PGM5: variants seen among roughly 807,000 people sequenced by gnomAD.
PGM5 encodes phosphoglucomutase-like protein 5.
PGM5 carries 23 observed loss-of-function variants against 59.2 expected under a neutral mutation model. The observed-to-expected ratio is 0.39, with a 90% CI of 0.28 to 0.55. The LOEUF (loss-of-function observed/expected upper bound fraction) is 0.55. Ranked by LOEUF, PGM5 falls within the 20% of genes least tolerant of loss-of-function variation. The probability of loss-of-function intolerance (pLI) is 0.66; values close to 1 mark genes in which losing one functional copy is unlikely to be tolerated. For missense variants in PGM5, 574 were observed against 748.3 expected, an observed-to-expected ratio of 0.77 and a Z score of 2.72; for synonymous variants, 214 against 286.0, an observed-to-expected ratio of 0.75 and a Z score of 2.54.
intron 7 of PGM5, among the ~76,000 whole-genome samples, chr9:68,469,691 C>G (rs1475979268): frequency 6.6e-6 from 1 of 152,086 alleles, no homozygotes; most frequent in Non-Finnish European, 1.5e-5. Flanking sequence ...AAGACAGGGC[C>G]CATGTCTATC....
At position 68,386,178 on chromosome 9, in the gene PGM5, T is replaced by C. The variant is rs555537684; in HGVS notation, c.572-1285T>C. Among the ~76,000 whole-genome samples, 58 of 152,018 alleles carry C rather than the reference T, an allele frequency of 3.8e-4. No individual in the cohort carries two copies. The South Asian group carries it at 0.01, about 27-fold the overall frequency. On this transcript the variant is annotated intron_variant, in intron 3 of 10. Coordinates refer to ENST00000396396, the MANE Select transcript of PGM5 (RefSeq NM_021965.4). ...TTGTCAAAAACATTATCCTATAATGTAGAGTGAGTAAAACTTCCAAAGTAC... is the reference window on the plus strand; with the variant it reads ...TTGTCAAAAACATTATCCTATAATGCAGAGTGAGTAAAACTTCCAAAGTAC...
intron 6 of PGM5, among the ~76,000 whole-genome samples, chr9:68,443,594 A>C (rs1341044811): frequency 6.6e-6 from 1 of 152,236 alleles, no homozygotes. Flanking sequence ...AGCAACTACC[A>C]ATGCTAGACC....
At chr9:68,385,651 A>G (rs1163576560) in intron 3 of PGM5, among the ~76,000 whole-genome samples, 8 of 152,002 alleles carry the variant, frequency 5.3e-5, no homozygotes, top group Non-Finnish European at 1.2e-4. Flanking sequence ...CTGGACAATT[A>G]AAGGCAAGGG....
At chr9:68,433,664 G>A (rs1192412643) in intron 6 of PGM5, among the ~76,000 whole-genome samples, 4 of 152,168 alleles carry the variant, frequency 2.6e-5, no homozygotes, top group Admixed American at 6.5e-5. Flanking sequence ...ACTGGGACAG[G>A]GCACATTTGA....
chr9:68,517,239 G>A (rs80172279), intron 10 of PGM5, among the ~76,000 whole-genome samples: 43 of 152,148 alleles, frequency 2.8e-4, no homozygotes, highest in African/African-American at 1.0e-3. Context: ...TTGCATCTCA[G>A]GGCATAGGCA....
At chr9:68,376,752 C>A (rs1164008919) in intron 1 of PGM5, among the ~76,000 whole-genome samples, 8 of 150,020 alleles carry the variant, frequency 5.3e-5, no homozygotes, top group Non-Finnish European at 5.9e-5. Context: ...TTGGGTGGGC[C>A]TTGAGGTTCT....
chr9:68,408,290 AGG>A (rs1554681314), intron 6 of PGM5, among the ~76,000 whole-genome samples: 1 of 152,240 alleles, frequency 6.6e-6, no homozygotes, highest in African/African-American at 2.4e-5. Flanking sequence ...GTGTGGCTGC[AGG>A]TAGGCATGCC....
intron 7 of PGM5, among the ~76,000 whole-genome samples, chr9:68,475,723 A>G (rs1485042603): frequency 6.6e-6 from 1 of 152,222 alleles, no homozygotes; most frequent in Non-Finnish European, 1.5e-5. Context: ...TTGAATAAAC[A>G]TGGTTTTCTG....
intron 1 of PGM5, among the ~76,000 whole-genome samples, chr9:68,372,508 C>T (rs781874926): frequency 6.6e-6 from 1 of 152,024 alleles, no homozygotes; most frequent in Non-Finnish European, 1.5e-5. Context: ...AGTGTTGGCC[C>T]CTGCTGCTGG....
At position 68,378,316 on chromosome 9, in the gene PGM5, G is replaced by A. The variant is rs781909185; in HGVS notation, c.379G>A (p.Gly127Arg). 4 of 1,591,016 alleles carry A rather than the reference G, an allele frequency of 2.5e-6. No homozygotes were observed. Among genetic ancestry groups the A allele is most frequent in the Non-Finnish European group, 3.4e-6 (4 of 1,170,288 alleles). Residue 127 changes from glycine to arginine, a missense_variant, in exon 2 of 11, where the codon GGA becomes AGA. Physicochemically the swap from Gly to Arg is moderately radical, Grantham distance 125 (BLOSUM62 -2). Transcript: ENST00000396396. ...TCTAACAGCCAGCCACTGCCCTGGA[G>A]GACCAGGGGGAGAGTTTGGAGTGAA... ...IILTASHCPG[G>R]PGGEFGVKFN...
In PGM5 at chr9:68,479,433, G is replaced by C; in HGVS notation, c.1175G>C (p.Arg392Pro). 1.9e-6 allele frequency: 3 copies of C among 1,613,040 alleles called. No homozygotes were observed. The highest frequency in any genetic ancestry group is 2.2e-5 in the South Asian group (2 of 91,024). Residue 392 changes from arginine (R) to proline (P), a missense_variant, in exon 8 of 11, where the codon CGA becomes CCA. Physicochemically the swap from Arg to Pro is moderately radical, Grantham distance 103 (BLOSUM62 -2). This residue lies in a region of PGM5 where 300 missense variants were observed against 280.0 expected (regional missense o/e 1.07). Coordinates refer to ENST00000396396, the MANE Select transcript of PGM5 (RefSeq NM_021965.4). ...TCACCTTTAGGCTCTGACCACCTCCGAGAGAAGGATGGCCTGTGGGCTGTC... is the reference window on the plus strand; with the variant it reads ...TCACCTTTAGGCTCTGACCACCTCCCAGAGAAGGATGGCCTGTGGGCTGTC... ...ESFGTGSDHLREKDGLWAVLV... is the reference protein window; with the variant it reads ...ESFGTGSDHLPEKDGLWAVLV...
At chr9:68,410,919 G>A in intron 6 of PGM5, among the ~76,000 whole-genome samples, 1 of 152,212 alleles carries the variant, frequency 6.6e-6, no homozygotes. Flanking sequence ...ATGTCTTCAA[G>A]GAACCAGGTT....
rs146903773 is a variant in PGM5 at position 68,441,236 on chromosome 9, A to G, written c.1044-23857A>G. On this transcript the variant is annotated intron_variant, in intron 6 of 10. Transcript: ENST00000396396. ...AAACATTAAAAAAATTCTAAATAAT[A>G]TCTTCCAGAAAAAGGAAGAAGATGG... 6.4e-3 allele frequency among the ~76,000 whole-genome samples: 980 copies of G among 152,246 alleles called. 10 individuals carry two copies. Among genetic ancestry groups the G allele is most frequent in the African/African-American group, 0.022 (911 of 41,582 alleles).
chr9:68,441,434 G>C (rs1329216566), intron 6 of PGM5, among the ~76,000 whole-genome samples: 1 of 151,938 alleles, frequency 6.6e-6, no homozygotes, highest in South Asian at 2.1e-4. Flanking sequence ...AAAGTCAGTG[G>C]GATTTACTGG....
intron 7 of PGM5, among the ~76,000 whole-genome samples, chr9:68,469,976 C>T (rs1004686111): frequency 1.3e-5 from 2 of 152,068 alleles, no homozygotes. Context: ...AACAAAATCA[C>T]ACAAATACAG....
intron 7 of PGM5, among the ~76,000 whole-genome samples, chr9:68,470,890 A>C (rs1554686182): frequency 2.0e-5 from 3 of 152,246 alleles, no homozygotes; most frequent in African/African-American, 7.2e-5. Context: ...GCCAGAGCAC[A>C]GAGGTGCTAT....
chr9:68,454,558 G>A (rs1331335066), intron 6 of PGM5, among the ~76,000 whole-genome samples: 5 of 152,182 alleles, frequency 3.3e-5, no homozygotes, highest in Admixed American at 2.6e-4. Context: ...CGATGCCCAC[G>A]GAGTGCTCTG....
At chr9:68,400,007 T>C (rs551805584) in intron 6 of PGM5, among the ~76,000 whole-genome samples, 50 of 152,310 alleles carry the variant, frequency 3.3e-4, no homozygotes, top group Non-Finnish European at 6.2e-4. Flanking sequence ...GTTTTTAAAT[T>C]GTTATTTCTT....
At chr9:68,425,183 A>G (rs544051238) in intron 6 of PGM5, among the ~76,000 whole-genome samples, 1 of 152,336 alleles carries the variant, frequency 6.6e-6, no homozygotes, top group Admixed American at 6.5e-5. Context: ...GTTTAGGAAC[A>G]AGCCAGAGTT....
Sources: allele counts gnomAD v4.1 joint callset (sites outside exome capture counted in the v4.1 genomes callset), GRCh38; gene constraint gnomAD v4.1.1; regional missense constraint gnomAD v4.1.1; transcripts MANE v1.5; gene names NCBI Gene and HGNC (gene_info 2026-07-23, HGNC 2026-07-21).